The following IQSEC1 variants were observed in gnomAD, a reference collection of about 807,000 sequenced individuals.
The protein encoded by IQSEC1 is IQ motif and Sec7 domain ArfGEF 1.
A neutral mutation model predicts 91.0 loss-of-function variants in IQSEC1; 31 were observed. The ratio of observed to expected loss-of-function variants is 0.34; its 90% CI spans 0.26 to 0.46. The LOEUF (loss-of-function observed/expected upper bound fraction) is 0.46. Among genes scored for constraint, IQSEC1 ranks in the 20% least tolerant of loss-of-function variants. The pLI is 1.00. For missense variants in IQSEC1, 1,388 were observed against 1,575.6 expected (o/e 0.88, Z 2.02); for synonymous variants, 699 against 662.6 (o/e 1.05, Z -0.84).
intron 2 of IQSEC1, among the ~76,000 whole-genome samples, chr3:13,102,200 C>T (rs564429997): frequency 6.6e-6 from 1 of 152,206 alleles, no homozygotes; most frequent in Admixed American, 6.5e-5. Context: ...ATTGCTTGAG[C>T]CCAGGAGATC....
At chr3:13,107,205 A>G (rs890027497) in intron 2 of IQSEC1, among the ~76,000 whole-genome samples, 1 of 152,194 alleles carries the variant, frequency 6.6e-6, no homozygotes, top group Non-Finnish European at 1.5e-5. Flanking sequence ...TAGGATCTGC[A>G]CAAGAGGTAT....
chr3:13,129,315 T>C (rs1163118277), intron 2 of IQSEC1, among the ~76,000 whole-genome samples: 1 of 152,234 alleles, frequency 6.6e-6, no homozygotes, highest in East Asian at 1.9e-4. Flanking sequence ...CTGCAGAATC[T>C]GTAGCAGTGT....
chr3:12,915,740 A>G lies in IQSEC1; in HGVS notation c.2021-7T>C, dbSNP rs1218730495. 1 of 1,613,332 alleles carries G rather than the reference A, an allele frequency of 6.2e-7. No homozygotes were observed. The highest frequency in any genetic ancestry group is 8.5e-7 in the Non-Finnish European group (1 of 1,179,480). On this transcript the variant is annotated splice_region_variant and splice_polypyrimidine_tract_variant and intron_variant, in intron 6 of 13. Transcript: ENST00000613206. ...TCCTCACCATCGTCCACACCTGGGT[A>G]GGGGATGCAGCTGGATATCAGGGTG...
At chr3:13,119,962 T>C (rs1706397124) in intron 2 of IQSEC1, among the ~76,000 whole-genome samples, 1 of 152,064 alleles carries the variant, frequency 6.6e-6, no homozygotes, top group Non-Finnish European at 1.5e-5. Context: ...ACTTCGAAGG[T>C]GGCCAACGCT....
chr3:12,911,119 G>C (rs973259469), intron 10 of IQSEC1, among the ~76,000 whole-genome samples: 2 of 152,186 alleles, frequency 1.3e-5, no homozygotes, highest in Non-Finnish European at 2.9e-5. Flanking sequence ...CAGCTATGAT[G>C]GGGGCCCTGT....
At position 12,911,500 on chromosome 3, in the gene IQSEC1, A is replaced by G. The variant is rs182802607; in HGVS notation, c.2416+129T>C. 1,061 of 712,800 alleles carry G rather than the reference A, an allele frequency of 1.5e-3. 9 individuals carry two copies. The African/African-American group carries it at 0.016, about 10-fold the overall frequency. 44.2% of individuals were successfully genotyped at this position (712,800 alleles called of 1,614,324 possible). ...CAGCTCACCGGAGCTCCTAGCTGCAATCTGCTCTCTGGGGATAAAACAGGG... is the reference window on the plus strand; with the variant it reads ...CAGCTCACCGGAGCTCCTAGCTGCAGTCTGCTCTCTGGGGATAAAACAGGG... On this transcript the variant is annotated intron_variant, in intron 10 of 13. Coordinates refer to ENST00000613206, the MANE Select transcript of IQSEC1 (RefSeq NM_001134382.3).
chr3:13,000,071 T>A (rs1055456929), intron 1 of IQSEC1, among the ~76,000 whole-genome samples: 3 of 152,236 alleles, frequency 2.0e-5, no homozygotes, highest in African/African-American at 7.2e-5. Flanking sequence ...CATATCATTG[T>A]GTATTAGCAC....
rs953553925 is a variant in IQSEC1, at chr3:12,979,606, T to G, written c.24-37741A>C. Among the ~76,000 whole-genome samples the G allele has an allele frequency of 1.3e-5, 2 of 152,244 alleles. No individual in the cohort carries two copies. The highest frequency in any genetic ancestry group is 4.8e-5 in the African/African-American group (2 of 41,454). ...ATAGCTCACTGTGTACCCTTCTGTA[T>G]GTTTAACTGTTGAACCATGACTGTA... On this transcript the variant is annotated intron_variant, in intron 1 of 13. Transcript: ENST00000613206. This position sits in a 1 kb window ranked among gnomAD's most constrained non-coding sequence, Gnocchi z 4.3.
chr3:13,002,844 A>T (rs1430329470), intron 1 of IQSEC1, among the ~76,000 whole-genome samples: 3 of 149,610 alleles, frequency 2.0e-5, no homozygotes, highest in Non-Finnish European at 3.0e-5. Context: ...GTGGGACAGG[A>T]TGTGGAGAAA....
intron 1 of IQSEC1, among the ~76,000 whole-genome samples, chr3:12,942,467 G>A (rs1391680821): frequency 6.6e-6 from 1 of 152,124 alleles, no homozygotes; most frequent in East Asian, 1.9e-4. Flanking sequence ...GCCGGGCGTG[G>A]TGGTGGTCGC....
chr3:13,011,941 G>A (rs1302502699), intron 1 of IQSEC1, among the ~76,000 whole-genome samples: 1 of 114,440 alleles, frequency 8.7e-6, no homozygotes, highest in African/African-American at 3.2e-5. Context: ...CTAAGTTCGT[G>A]GGGGACTCAC....
chr3:13,144,250 C>T (rs1017810058), intron 2 of IQSEC1, among the ~76,000 whole-genome samples: 8 of 152,176 alleles, frequency 5.3e-5, no homozygotes, highest in Non-Finnish European at 7.3e-5. Context: ...AGACCACGGC[C>T]GGCGAGCATG....
chr3:13,071,751 G>A (rs1576235720), intron 1 of IQSEC1, among the ~76,000 whole-genome samples: 1 of 148,338 alleles, frequency 6.7e-6, no homozygotes, highest in African/African-American at 2.5e-5. Context: ...CCCCAAACCA[G>A]AGGCCGCCAT....
intron 2 of IQSEC1, among the ~76,000 whole-genome samples, chr3:13,162,905 C>A (rs774836850): frequency 1.3e-5 from 2 of 152,046 alleles, no homozygotes; most frequent in Non-Finnish European, 2.9e-5. Context: ...GGCATCCCCC[C>A]CTTATCCCTT....
chr3:12,915,507 G>A, intron 7 of IQSEC1, 87 bp downstream of exon 7: 2 of 1,434,854 alleles, frequency 1.4e-6, no homozygotes, highest in South Asian at 2.5e-5. Flanking sequence ...ACCACACGGA[G>A]TGGGGTGGGT....
chr3:12,915,794 TC>T, intron 6 of IQSEC1, 61 bp from the exon 7 acceptor site: 4 of 1,587,760 alleles, frequency 2.5e-6, no homozygotes, highest in African/African-American at 1.3e-5. Flanking sequence ...TTTACCAGTT[TC>T]TAAAGCAAAT....
At chr3:13,225,399 C>T (rs1392728645) in intron 1 of IQSEC1, among the ~76,000 whole-genome samples, 4 of 152,230 alleles carry the variant, frequency 2.6e-5, no homozygotes, top group Non-Finnish European at 5.9e-5. Flanking sequence ...GACATGAAGT[C>T]ACCTCAAGAT....
upstream of IQSEC1, among the ~76,000 whole-genome samples, chr3:13,076,324 T>C (rs1447677341): frequency 1.3e-5 from 2 of 152,198 alleles, no homozygotes; most frequent in African/African-American, 4.8e-5. Flanking sequence ...TTGTGGACTG[T>C]GGGAAGCCGC....
Position 12,922,351 on chromosome 3 carries a change from C to A in IQSEC1, c.1731-109G>T. On this transcript the variant is annotated intron_variant, in intron 4 of 13. Coordinates refer to ENST00000613206, the MANE Select transcript of IQSEC1 (RefSeq NM_001134382.3). The surrounding 1 kb of genome is among the most constrained non-coding windows in gnomAD (Gnocchi z 5.1). Reference sequence around the variant, plus strand: ...GCCCTGGGAATGGACCGCCTCCTGGCAGGGAGAGCCCCTGCCTGACTCCGA... The same window carrying A: ...GCCCTGGGAATGGACCGCCTCCTGGAAGGGAGAGCCCCTGCCTGACTCCGA... 1.5e-6 allele frequency: 2 copies of A among 1,335,766 alleles called. No individual in the cohort carries two copies. Among genetic ancestry groups the A allele is most frequent in the Non-Finnish European group, 2.0e-6 (2 of 1,010,994 alleles). 82.7% of individuals were successfully genotyped at this position (1,335,766 alleles called of 1,614,324 possible). A position where few individuals can be genotyped will look rare whatever the true frequency, so the allele number is the denominator to read the frequency against.
Sources: allele counts gnomAD v4.1 joint callset (sites outside exome capture counted in the v4.1 genomes callset), GRCh38; gene constraint gnomAD v4.1.1; non-coding constraint Gnocchi (gnomAD v3.1); transcripts MANE v1.5; gene names NCBI Gene and HGNC (gene_info 2026-07-23, HGNC 2026-07-21).